The following RANBP2 variants were observed in gnomAD, a reference collection of about 807,000 sequenced individuals.
RANBP2 encodes the protein E3 SUMO-protein ligase RanBP2.
Under a neutral mutation model 303.6 loss-of-function variants are expected in RANBP2, and 57 were observed. The observed-to-expected ratio is 0.19, with a 90% confidence interval of 0.15 to 0.23. The LOEUF is 0.23. Ranked by LOEUF, RANBP2 falls within the 10% of genes least tolerant of loss-of-function variation. The pLI is 1.00. For synonymous variants in RANBP2, 1,167 were observed against 1,301.5 expected, an observed-to-expected ratio of 0.90 and a Z score of 2.23; for missense variants, 3,138 against 3,780.8, an observed-to-expected ratio of 0.83 and a Z score of 4.46.
chr2:108,838,804 C>T, the RANBP2 span, among the ~76,000 whole-genome samples: 1 of 151,788 alleles, frequency 6.6e-6, no homozygotes, highest in Non-Finnish European at 1.5e-5. Flanking sequence ...GATTTTTATT[C>T]CATTTGCTTC....
intron 9 of RANBP2, among the ~76,000 whole-genome samples, chr2:108,750,879 G>A (rs944923193): frequency 1.2e-4 from 18 of 152,262 alleles, no homozygotes; most frequent in African/African-American, 3.9e-4. Context: ...TTACTGTACC[G>A]ATGGATTAAT....
Position 108,763,815 on chromosome 2 carries a change from C to T in RANBP2, c.3276C>T (p.Thr1092=). The change falls in exon 20 of 29, where the codon ACC becomes ACT. Residue 1092 remains threonine, a synonymous_variant. Transcript: ENST00000283195. ...CCAAACCAATTCCTGGTGGTCAAAC[C>T]ATTGGGCCTCGAAATACATTCAATT... ...SGAKPIPGGQ[T]IGPRNTFNFG... is the part of the protein sequence containing the mutation. 1 of 1,614,034 alleles carries T rather than the reference C, an allele frequency of 6.2e-7. No homozygotes were observed. The highest frequency in any genetic ancestry group is 8.5e-7 in the Non-Finnish European group (1 of 1,179,978).
At chr2:109,040,353 A>G in the RANBP2 span, among the ~76,000 whole-genome samples, 1 of 152,168 alleles carries the variant, frequency 6.6e-6, no homozygotes, top group African/African-American at 2.4e-5. Context: ...CATTACTTTC[A>G]GCTTTATATG....
At chr2:109,215,700 G>C in the RANBP2 span, among the ~76,000 whole-genome samples, 5 of 152,166 alleles carry the variant, frequency 3.3e-5, no homozygotes, top group South Asian at 2.1e-4. Context: ...CCTACACCCA[G>C]ACCGTGTGAC....
At chr2:109,398,973 C>T in the RANBP2 span, 1 of 1,582,822 alleles carries the variant, frequency 6.3e-7, no homozygotes, top group Non-Finnish European at 8.6e-7. Flanking sequence ...GGCAGGCATC[C>T]CTGGGTTCTC....
chr2:109,673,135 G>A, the RANBP2 span, among the ~76,000 whole-genome samples: 5 of 152,122 alleles, frequency 3.3e-5, no homozygotes, highest in South Asian at 2.1e-4. Context: ...CAGGTGCCTC[G>A]GTGACTGGGC....
intron 4 of RANBP2, 89 bp from the exon 5 acceptor site, chr2:108,735,443 C>T: frequency 6.3e-7 from 1 of 1,596,090 alleles, no homozygotes; most frequent in East Asian, 2.2e-5. Flanking sequence ...TAAAACTAGA[C>T]ATAGTGGAAT....
At chr2:109,422,271 T>A in the RANBP2 span, among the ~76,000 whole-genome samples, 23 of 152,188 alleles carry the variant, frequency 1.5e-4, no homozygotes, top group Admixed American at 1.5e-3. Context: ...AGGGCCCAGA[T>A]GGGGCTGATG....
At chr2:109,419,085 C>T in the RANBP2 span, among the ~76,000 whole-genome samples, 1 of 152,226 alleles carries the variant, frequency 6.6e-6, no homozygotes, top group Non-Finnish European at 1.5e-5. Flanking sequence ...TCTTGGCCTG[C>T]TGCTCTGTCT....
At chr2:109,492,711 C>T in the RANBP2 span, among the ~76,000 whole-genome samples, 1 of 152,286 alleles carries the variant, frequency 6.6e-6, no homozygotes, top group South Asian at 2.1e-4. Context: ...AGAGATTCAG[C>T]TGAGGACTTT....
the RANBP2 span, among the ~76,000 whole-genome samples, chr2:109,396,896 G>A: frequency 6.6e-5 from 10 of 152,346 alleles, no homozygotes; most frequent in East Asian, 1.9e-3. Context: ...TCCCACCTTC[G>A]TGGATCTCAC....
chr2:109,225,993 C>G, the RANBP2 span, among the ~76,000 whole-genome samples: 2 of 152,296 alleles, frequency 1.3e-5, no homozygotes, highest in Admixed American at 1.3e-4. Flanking sequence ...AATGAATCAC[C>G]AAAATACCAT....
chr2:108,850,684 C>G, the RANBP2 span, among the ~76,000 whole-genome samples: 1 of 152,140 alleles, frequency 6.6e-6, no homozygotes, highest in African/African-American at 2.4e-5. Context: ...AACTCCTGAC[C>G]TCATGATCTG....
At chr2:109,372,881 A>G in the RANBP2 span, among the ~76,000 whole-genome samples, 1 of 152,234 alleles carries the variant, frequency 6.6e-6, no homozygotes, top group Non-Finnish European at 1.5e-5. Flanking sequence ...CACAGTGTGC[A>G]GATACTTAAA....
the RANBP2 span, among the ~76,000 whole-genome samples, chr2:109,054,536 C>G: frequency 6.6e-6 from 1 of 151,856 alleles, no homozygotes; most frequent in Non-Finnish European, 1.5e-5. Flanking sequence ...GAAATCCCTT[C>G]TAAAAATACA....
the RANBP2 span, among the ~76,000 whole-genome samples, chr2:109,252,937 CTG>C: frequency 1.3e-5 from 2 of 152,212 alleles, no homozygotes; most frequent in African/African-American, 4.8e-5. Flanking sequence ...AGGGGACTGA[CTG>C]TAGTCAATCA....
chr2:109,400,255 G>A, the RANBP2 span, among the ~76,000 whole-genome samples: 1 of 150,254 alleles, frequency 6.7e-6, no homozygotes, highest in Non-Finnish European at 1.5e-5. Flanking sequence ...ATGGACACTT[G>A]AGCACATGCC....
chr2:109,223,284 C>T, the RANBP2 span, among the ~76,000 whole-genome samples: 16 of 152,298 alleles, frequency 1.1e-4, no homozygotes, highest in East Asian at 1.9e-4. Flanking sequence ...TCAGAGGCTG[C>T]GTGAGCACCA....
chr2:108,853,898 T>A, the RANBP2 span, among the ~76,000 whole-genome samples: 1 of 119,744 alleles, frequency 8.4e-6, no homozygotes, highest in African/African-American at 3.6e-5. Context: ...ATAGTATATA[T>A]ATTATATATT....
Sources: gnomAD v4.1 joint callset for allele counts (sites outside exome capture counted in the v4.1 genomes callset) on GRCh38, gnomAD v4.1.1 for gene constraint, MANE v1.5 for transcripts, NCBI Gene and HGNC (gene_info 2026-07-23, HGNC 2026-07-21) for gene names.